TRIM5: variants seen among roughly 807,000 people sequenced by gnomAD.
TRIM5 encodes the protein tripartite motif-containing protein 5.
Under a neutral mutation model 35.6 loss-of-function variants are expected in TRIM5, and 31 were observed. The ratio of observed to expected loss-of-function variants is 0.87; its 90% confidence interval spans 0.65 to 1.18. The LOEUF is 1.18. Among genes scored for constraint, TRIM5 ranks in the 50% most tolerant of loss-of-function variants. TRIM5 has a pLI of 0.00. For missense variants in TRIM5, 609 were observed against 591.6 expected, an observed-to-expected ratio of 1.03 and a Z score of -0.31; for synonymous variants, 243 against 215.6, an observed-to-expected ratio of 1.13 and a Z score of -1.11.
the TRIM5 span, chr11:5,634,624 C>T: frequency 1.2e-6 from 2 of 1,608,182 alleles, no homozygotes; most frequent in Non-Finnish European, 1.7e-6. Flanking sequence ...CTTGTCCATC[C>T]TTGCAGTATC....
the TRIM5 span, among the ~76,000 whole-genome samples, chr11:5,627,273 G>A: frequency 1.6e-4 from 24 of 152,128 alleles, no homozygotes; most frequent in African/African-American, 4.6e-4. Flanking sequence ...CCAGCTACTC[G>A]GGAGGCTGAG....
At chr11:5,599,645 C>A in the TRIM5 span, among the ~76,000 whole-genome samples, 1 of 152,116 alleles carries the variant, frequency 6.6e-6, no homozygotes, top group Non-Finnish European at 1.5e-5. Context: ...CCTTGTGATC[C>A]GCCTGCCTCA....
At chr11:5,601,682 C>T in the TRIM5 span, among the ~76,000 whole-genome samples, 24 of 152,222 alleles carry the variant, frequency 1.6e-4, no homozygotes, top group African/African-American at 3.1e-4. Context: ...CGCTTGAACC[C>T]GGGAGGCAGA....
the TRIM5 span, among the ~76,000 whole-genome samples, chr11:5,658,017 C>A: frequency 2.0e-4 from 31 of 152,202 alleles, no homozygotes; most frequent in Non-Finnish European, 3.7e-4. Context: ...GAGAAAGGCA[C>A]GGTCCCTGAC....
At chr11:5,667,825 G>A in intron 4 of TRIM5, 114 bp from the exon 5 acceptor site, 2 of 1,164,088 alleles carry the variant, frequency 1.7e-6, no homozygotes, top group South Asian at 1.5e-5. Context: ...TGGTGACAGT[G>A]TGAAAGACAA....
chr11:5,642,759 G>C, the TRIM5 span: 1 of 1,606,526 alleles, frequency 6.2e-7, no homozygotes, highest in Non-Finnish European at 8.5e-7. Flanking sequence ...GAATATATAG[G>C]TATCAGTGCT....
chr11:5,601,231 G>A, the TRIM5 span, among the ~76,000 whole-genome samples: 1 of 152,114 alleles, frequency 6.6e-6, no homozygotes. Flanking sequence ...GACTGTCTTT[G>A]GTCAAAGTTA....
the TRIM5 span, among the ~76,000 whole-genome samples, chr11:5,622,069 G>A: frequency 9.9e-4 from 150 of 152,256 alleles, 2 homozygotes; most frequent in East Asian, 1.5e-3. Context: ...AGACTAGACA[G>A]TTGTTAAGAA....
the TRIM5 span, among the ~76,000 whole-genome samples, chr11:5,593,834 A>G: frequency 6.6e-6 from 1 of 152,124 alleles, no homozygotes; most frequent in Non-Finnish European, 1.5e-5. Flanking sequence ...GCTGTCAGCA[A>G]ATCTGTGCCC....
At chr11:5,612,165 A>G in the TRIM5 span, 1 of 152,218 alleles carries the variant, frequency 6.6e-6, no homozygotes, top group Non-Finnish European at 1.5e-5. Flanking sequence ...GTTCTCATCT[A>G]TGTTAATGAA....
chr11:5,663,432 A>G lies in TRIM5; in HGVS notation c.*1377T>C. On this transcript the variant is annotated 3_prime_UTR_variant, in exon 8 of 8. Coordinates refer to ENST00000380034, the MANE Select transcript of TRIM5 (RefSeq NM_033034.3). ...TGACAGTAGTATCTGAGATCTAAAA[A>G]ATGAGAATTTAGTAAATCCAATCCT... 1 of 985,212 alleles carries G rather than the reference A, an allele frequency of 1.0e-6. No homozygotes were observed. The highest frequency in any genetic ancestry group is 1.2e-6 in the Non-Finnish European group (1 of 829,708). 61.0% of individuals were successfully genotyped at this position (985,212 alleles called of 1,614,324 possible).
chr11:5,598,229 G>A, the TRIM5 span, among the ~76,000 whole-genome samples: 1 of 152,198 alleles, frequency 6.6e-6, no homozygotes. Flanking sequence ...CCCTTGGGCT[G>A]CACTTAGCTG....
At chr11:5,603,624 G>A in the TRIM5 span, 1 of 1,613,744 alleles carries the variant, frequency 6.2e-7, no homozygotes, top group Non-Finnish European at 8.5e-7. Flanking sequence ...GAGAAAAACT[G>A]CAGCTCTTCT....
the TRIM5 span, among the ~76,000 whole-genome samples, chr11:5,640,055 G>C: frequency 1.3e-5 from 2 of 152,130 alleles, no homozygotes; most frequent in Non-Finnish European, 2.9e-5. Flanking sequence ...CACTGTTGTG[G>C]TATCAAATAC....
At chr11:5,605,102 G>T in the TRIM5 span, 176 of 568,788 alleles carry the variant, frequency 3.1e-4, no homozygotes, top group Non-Finnish European at 3.4e-4. Flanking sequence ...AGGAATCACA[G>T]TTGATGTCTA....
chr11:5,635,557 CCT>C, the TRIM5 span, among the ~76,000 whole-genome samples: 27 of 152,202 alleles, frequency 1.8e-4, no homozygotes, highest in African/African-American at 4.6e-4. Context: ...CACCCAGCCC[CCT>C]GTTACTTTTT....
At chr11:5,603,850 C>G in the TRIM5 span, 3 of 1,458,378 alleles carry the variant, frequency 2.1e-6, no homozygotes, top group Admixed American at 5.5e-5. Context: ...GAGAATGAAC[C>G]TGGAAACTGC....
chr11:5,603,686 A>C, the TRIM5 span: 1 of 1,613,348 alleles, frequency 6.2e-7, no homozygotes, highest in Middle Eastern at 1.6e-4. Context: ...TCTCAGGAGC[A>C]CCGTGGTCAC....
chr11:5,646,282 T>C, the TRIM5 span, among the ~76,000 whole-genome samples: 2 of 151,984 alleles, frequency 1.3e-5, no homozygotes, highest in Non-Finnish European at 2.9e-5. Context: ...ATTGACTATA[T>C]GCAAAGGAGG....
Sources: allele counts gnomAD v4.1 joint callset (sites outside exome capture counted in the v4.1 genomes callset), GRCh38; gene constraint gnomAD v4.1.1; transcripts MANE v1.5; gene names NCBI Gene and HGNC (gene_info 2026-07-23, HGNC 2026-07-21).